DPT: variants seen among roughly 807,000 people sequenced by gnomAD.
DPT encodes the protein tyrosine-rich acidic matrix protein.
In DPT, 21 loss-of-function variants were observed where a neutral mutation model predicts 31.2. That is an observed-to-expected ratio of 0.67 (90% CI 0.48 to 0.97). The LOEUF (loss-of-function observed/expected upper bound fraction) is 0.97, where lower values mean the gene tolerates loss of function less well. DPT is among the 50% of genes least tolerant of loss of function. The pLI is 0.00. For missense variants in DPT, 262 were observed against 258.8 expected, an observed-to-expected ratio of 1.01 and a Z score of -0.08; for synonymous variants, 91 against 86.9, an observed-to-expected ratio of 1.05 and a Z score of -0.26.
At chr1:168,723,914 A>ATG (rs1650179076) in intron 1 of DPT, among the ~76,000 whole-genome samples, 3 of 152,186 alleles carry the variant, frequency 2.0e-5, no homozygotes, top group African/African-American at 7.2e-5. Context: ...CTCTTCACCC[A>ATG]GGTTCCTCTA....
At position 168,729,041 on chromosome 1, in the gene DPT, C is replaced by A. The variant is rs1230836353; in HGVS notation, c.134G>T (p.Gly45Val). 8.1e-6 allele frequency: 13 copies of A among 1,614,092 alleles called. No homozygotes were observed. Among genetic ancestry groups the A allele is most frequent in the Non-Finnish European group, 1.1e-5 (13 of 1,180,042 alleles). The change falls in exon 1 of 4, where the codon GGC becomes GTC. Residue 45 changes from glycine to valine, a missense_variant. Transcript: ENST00000367817. ...CCCCTGGGGACACTGGTAGCTGAAG[C>A]CTTGCCGGTTCAAATTCACCCACCC... The part of the protein sequence containing the change: ...DDGWVNLNRQ[G>V]FSYQCPQGQV...
At chr1:168,721,235 C>G (rs1160624783) in intron 1 of DPT, among the ~76,000 whole-genome samples, 1 of 152,198 alleles carries the variant, frequency 6.6e-6, no homozygotes, top group African/African-American at 2.4e-5. Flanking sequence ...CTGGATTTCT[C>G]TGCTAATTCC....
At chr1:168,702,076 CT>C (rs1467517486) in intron 2 of DPT, among the ~76,000 whole-genome samples, 1 of 152,334 alleles carries the variant, frequency 6.6e-6, no homozygotes, top group East Asian at 1.9e-4. Context: ...CTCATAAGGG[CT>C]TTGCCACTGG....
chr1:168,707,604 A>G (rs1649750545), intron 2 of DPT, among the ~76,000 whole-genome samples: 1 of 152,198 alleles, frequency 6.6e-6, no homozygotes, highest in African/African-American at 2.4e-5. Context: ...GTCCCCAACC[A>G]AATGTCACCT....
In DPT at chr1:168,714,209, T is replaced by A; in HGVS notation, c.431+12A>T. On this transcript the variant is annotated intron_variant, in intron 2 of 3. Transcript: ENST00000367817. The stretch of plus-strand genomic sequence containing the variant: ...CAGGAGTCATGAGGGTTTGGTCGGC[T>A]GCCAGACTCACCAGCAGGAATATGG... 1 of 1,614,060 alleles carries A rather than the reference T, an allele frequency of 6.2e-7. No homozygotes were observed. The highest frequency in any genetic ancestry group is 1.1e-5 in the South Asian group (1 of 91,074).
intron 1 of DPT, among the ~76,000 whole-genome samples, chr1:168,724,602 G>A (rs990242765): frequency 6.6e-6 from 1 of 152,076 alleles, no homozygotes; most frequent in African/African-American, 2.4e-5. Flanking sequence ...AGCAGGCTGA[G>A]GGAGTGGAGA....
chr1:168,724,308 A>G (rs1650188254), intron 1 of DPT, among the ~76,000 whole-genome samples: 1 of 152,222 alleles, frequency 6.6e-6, no homozygotes, highest in Non-Finnish European at 1.5e-5. Context: ...AGACACTGGA[A>G]TATTGGGAAT....
chr1:168,717,450 T>A (rs753390280), intron 1 of DPT, among the ~76,000 whole-genome samples: 2 of 152,252 alleles, frequency 1.3e-5, no homozygotes, highest in Non-Finnish European at 2.9e-5. Flanking sequence ...AGATTCTGGA[T>A]GTTAGACCTT....
In DPT at chr1:168,696,505, T is replaced by C. The variant is rs768291390; in HGVS notation, c.*44A>G. 4 of 1,489,944 alleles carry C rather than the reference T, an allele frequency of 2.7e-6. No individual in the cohort carries two copies. The highest frequency in any genetic ancestry group is 3.6e-6 in the Non-Finnish European group (4 of 1,107,870). 92.3% of individuals were successfully genotyped at this position (1,489,944 alleles called of 1,614,324 possible). The stretch of plus-strand genomic sequence containing the variant: ...GTTAACATATGTGGACACCCTCCTG[T>C]CCCCGGCCCCTTTCCTTTCACCCAG... On this transcript the variant is annotated 3_prime_UTR_variant, in exon 4 of 4. Transcript: ENST00000367817.
At position 168,729,169 on chromosome 1, in the gene DPT, G is replaced by A. The variant is rs901279273; in HGVS notation, c.6C>T (p.Asp2=). ...GCAGAAGTACCCAGAGAAGACTGAG[G>A]TCCATGCTGCCTGGGATTTTGGCAA... is the stretch of plus-strand genomic sequence containing the variant. M[D]LSLLWVLLPL... The change falls in exon 1 of 4, where the codon GAC becomes GAT. Residue 2 remains aspartate (D), a synonymous_variant. Coordinates refer to ENST00000367817, the MANE Select transcript of DPT (RefSeq NM_001937.5). The A allele has an allele frequency of 1.9e-6, 3 of 1,612,170 alleles. No individual in the cohort carries two copies. The highest frequency in any genetic ancestry group is 2.5e-6 in the Non-Finnish European group (3 of 1,178,606).
intron 2 of DPT, among the ~76,000 whole-genome samples, chr1:168,706,705 A>G (rs1649722471): frequency 6.6e-6 from 1 of 152,218 alleles, no homozygotes; most frequent in Admixed American, 6.5e-5. Flanking sequence ...TTACATTTCA[A>G]ACATTTCAGA....
At chr1:168,709,653 A>C (rs146544748) in intron 2 of DPT, among the ~76,000 whole-genome samples, 2 of 152,326 alleles carry the variant, frequency 1.3e-5, no homozygotes, top group East Asian at 3.9e-4. Context: ...CAGGCGCTAG[A>C]TATTCACTTA....
chr1:168,726,995 G>A (rs1650259947), intron 1 of DPT, among the ~76,000 whole-genome samples: 2 of 152,166 alleles, frequency 1.3e-5, no homozygotes, highest in Non-Finnish European at 2.9e-5. Context: ...TCTACAGTCC[G>A]GCTGAGCCCC....
At position 168,695,549 on chromosome 1, in the gene DPT, T is replaced by C. The variant is rs561249613; in HGVS notation, c.*1000A>G. 4.0e-5 allele frequency: 6 copies of C among 151,806 alleles called. No homozygotes were observed. The highest frequency in any genetic ancestry group is 2.1e-4 in the South Asian group (1 of 4,772). 9.4% of individuals were successfully genotyped at this position (151,806 alleles called of 1,614,324 possible). On this transcript the variant is annotated 3_prime_UTR_variant, in exon 4 of 4. Transcript: ENST00000367817. ...CAGGACATCACAGGAGGAGGAAAGATAGCGCCATCTCTGCAGAAGAACTCC... is the reference window on the plus strand; with the variant it reads ...CAGGACATCACAGGAGGAGGAAAGACAGCGCCATCTCTGCAGAAGAACTCC...
intron 3 of DPT, among the ~76,000 whole-genome samples, chr1:168,698,945 G>A (rs1251834428): frequency 2.6e-5 from 4 of 152,126 alleles, no homozygotes; most frequent in Non-Finnish European, 4.4e-5. Context: ...AAAGTTGCAT[G>A]AGTATATTTA....
At chr1:168,727,210 G>A (rs919483856) in intron 1 of DPT, among the ~76,000 whole-genome samples, 1 of 152,230 alleles carries the variant, frequency 6.6e-6, no homozygotes. Flanking sequence ...CTGTGGCAAA[G>A]TACAAACTCT....
At position 168,729,171 on chromosome 1, in the gene DPT, C is replaced by T. The variant is rs1650320436; in HGVS notation, c.4G>A (p.Asp2Asn). ...AGAAGTACCCAGAGAAGACTGAGGT[C>T]CATGCTGCCTGGGATTTTGGCAAAC... MDLSLLWVLLPL... is the reference protein window; with the variant it reads MNLSLLWVLLPL... Residue 2 changes from aspartate to asparagine, a missense_variant, in exon 1 of 4, where the codon GAC becomes AAC. Asp to Asn is a conservative substitution (Grantham distance 23). Coordinates refer to ENST00000367817, the MANE Select transcript of DPT (RefSeq NM_001937.5). 2 of 1,611,804 alleles carry T rather than the reference C, an allele frequency of 1.2e-6. No homozygotes were observed. The highest frequency in any genetic ancestry group is 8.5e-7 in the Non-Finnish European group (1 of 1,178,478).
At chr1:168,702,591 C>A (rs1000290205) in intron 2 of DPT, among the ~76,000 whole-genome samples, 1 of 149,608 alleles carries the variant, frequency 6.7e-6, no homozygotes, top group Non-Finnish European at 1.5e-5. Context: ...AGAAGCAGGA[C>A]TTTACCTTTC....
chr1:168,727,248 C>T (rs930672749), intron 1 of DPT, among the ~76,000 whole-genome samples: 3 of 152,228 alleles, frequency 2.0e-5, no homozygotes, highest in Non-Finnish European at 2.9e-5. Flanking sequence ...TGGATCCAAA[C>T]CCCAGCTTTC....
Sources: gnomAD v4.1 joint callset for allele counts (sites outside exome capture counted in the v4.1 genomes callset) on GRCh38, gnomAD v4.1.1 for gene constraint, MANE v1.5 for transcripts, NCBI Gene and HGNC (gene_info 2026-07-23, HGNC 2026-07-21) for gene names.